Variants in PPP2R2C observed in about 807,000 individuals in gnomAD.
The protein encoded by PPP2R2C is protein phosphatase 2, regulatory subunit B, gamma.
PPP2R2C carries 10 observed loss-of-function variants against 45.3 expected under a neutral mutation model. The ratio of observed to expected loss-of-function variants is 0.22; its 90% CI spans 0.14 to 0.37. The LOEUF (loss-of-function observed/expected upper bound fraction) is 0.37. Ranked by LOEUF, PPP2R2C falls within the 10% of genes least tolerant of loss-of-function variation. The probability of loss-of-function intolerance (pLI) is 1.00; values close to 1 mark genes in which losing one functional copy is unlikely to be tolerated. For missense variants in PPP2R2C, 308 were observed against 619.7 expected, an observed-to-expected ratio of 0.50 and a Z score of 5.34; for synonymous variants, 257 against 245.4, an observed-to-expected ratio of 1.05 and a Z score of -0.44.
At chr4:6,416,146 C>A (rs1718565902) in intron 1 of PPP2R2C, among the ~76,000 whole-genome samples, 1 of 80,978 alleles carries the variant, frequency 1.2e-5, no homozygotes, top group Non-Finnish European at 2.8e-5. Context: ...TACTCCTCTA[C>A]CACCCCTGCC....
In PPP2R2C at chr4:6,378,404, C is replaced by T. The variant is rs187213691; in HGVS notation, c.334+3G>A. On this transcript the variant is annotated splice_donor_region_variant and intron_variant, in intron 3 of 8. Coordinates refer to ENST00000382599, the MANE Select transcript of PPP2R2C (RefSeq NM_020416.4). This position sits in a 1 kb window ranked among gnomAD's most constrained non-coding sequence, Gnocchi z 5.2. ...ATGCAAGCGAGGCCGGGCAGCGCCT[C>T]ACCGTTGGTGGACAGGAGTGAGTGG... 547 of 1,614,194 alleles carry T rather than the reference C, an allele frequency of 3.4e-4. 2 individuals carry two copies. In the African/African-American group the frequency reaches 6.6e-3, roughly 19 times the overall value.
rs564102573 is a variant in PPP2R2C, at chr4:6,465,443, G to A, written c.70+6717C>T. On this transcript the variant is annotated intron_variant, in intron 1 of 8. Transcript: ENST00000382599. ...ACCAATCACGAAAGCCAAGGAGGTAGAAGGCAGGGCCAAGGAGTTCACCCT... is the reference window on the plus strand; with the variant it reads ...ACCAATCACGAAAGCCAAGGAGGTAAAAGGCAGGGCCAAGGAGTTCACCCT... Among the ~76,000 whole-genome samples, 9 of 152,318 alleles carry A rather than the reference G, an allele frequency of 5.9e-5. No homozygotes were observed. In the South Asian group the frequency reaches 1.2e-3, roughly 21 times the overall value.
chr4:6,371,539 A>C (rs1714828875), intron 5 of PPP2R2C, among the ~76,000 whole-genome samples: 1 of 152,068 alleles, frequency 6.6e-6, no homozygotes, highest in Admixed American at 6.5e-5. Context: ...CACCCCTTCC[A>C]AGACACACCT....
rs761614602 is a variant in PPP2R2C at position 6,378,487 on chromosome 4, C to G, written c.254G>C (p.Ser85Thr). Residue 85 changes from serine to threonine, a missense_variant, in exon 3 of 9, where the codon AGC (serine) becomes ACC (threonine). Ser to Thr is a moderately conservative substitution (Grantham distance 58). Transcript: ENST00000382599. The surrounding 1 kb of genome is among the most constrained non-coding windows in gnomAD (Gnocchi z 5.2). ...GTTGATCTTCTCCTCTATCTCCAGG[C>G]TCTTGAGATAGTCAAACTCCGGCTC... Reference protein sequence around the residue: ...SHEPEFDYLKSLEIEEKINKI... With the variant: ...SHEPEFDYLKTLEIEEKINKI... The G allele has an allele frequency of 6.2e-7, 1 of 1,614,164 alleles. No individual in the cohort carries two copies. The highest frequency in any genetic ancestry group is 1.7e-5 in the Admixed American group (1 of 60,008).
At chr4:6,458,812 A>G (rs4404624) in intron 1 of PPP2R2C, among the ~76,000 whole-genome samples, 41,868 of 151,986 alleles carry the variant, frequency 0.28, 6,394 homozygotes, top group East Asian at 0.42. Context: ...AAAGGCCTGG[A>G]TTCCTGTCCT....
intron 1 of PPP2R2C, among the ~76,000 whole-genome samples, chr4:6,455,152 C>T (rs1217932870): frequency 6.6e-6 from 1 of 152,180 alleles, no homozygotes; most frequent in Non-Finnish European, 1.5e-5. Flanking sequence ...GCGTTGCATT[C>T]GTGGACTTAC....
intron 6 of PPP2R2C, among the ~76,000 whole-genome samples, chr4:6,334,853 G>T (rs1471816718): frequency 6.6e-6 from 1 of 152,192 alleles, no homozygotes; most frequent in African/African-American, 2.4e-5. Flanking sequence ...GCACCCTGAG[G>T]CTCCCGAGAG....
At position 6,352,106 on chromosome 4, in the gene PPP2R2C, C is replaced by G. The variant is rs576852415; in HGVS notation, c.626-4096G>C. 2.6e-3 allele frequency among the ~76,000 whole-genome samples: 399 copies of G among 152,320 alleles called. 2 individuals carry two copies. The highest frequency in any genetic ancestry group is 3.9e-3 in the Non-Finnish European group (267 of 68,022). ...ACAGCTTTCTGCCCCACACCATGCC[C>G]TCCCCCGTGTGTAGACTTTGAAGCA... On this transcript the variant is annotated intron_variant, in intron 5 of 8. Coordinates refer to ENST00000382599, the MANE Select transcript of PPP2R2C (RefSeq NM_020416.4).
chr4:6,520,573 T>A (rs1043431473), intron 2 of PPP2R2C, among the ~76,000 whole-genome samples: 2 of 152,012 alleles, frequency 1.3e-5, no homozygotes, highest in African/African-American at 4.8e-5. Context: ...CCAAAACCAA[T>A]AAAAACTGGC....
At chr4:6,516,998 G>A (rs1212335114) in intron 2 of PPP2R2C, among the ~76,000 whole-genome samples, 4 of 152,122 alleles carry the variant, frequency 2.6e-5, no homozygotes, top group Non-Finnish European at 5.9e-5. Context: ...TTATAGACAA[G>A]GCAGAGTTTT....
intron 1 of PPP2R2C, among the ~76,000 whole-genome samples, chr4:6,403,154 G>A (rs1264019993): frequency 2.0e-5 from 3 of 152,218 alleles, no homozygotes; most frequent in East Asian, 3.8e-4. Context: ...GCCTCCCCAC[G>A]TGGGTGGGAG....
At chr4:6,546,829 A>G (rs1019825277) in intron 1 of PPP2R2C, among the ~76,000 whole-genome samples, 1 of 152,204 alleles carries the variant, frequency 6.6e-6, no homozygotes, top group African/African-American at 2.4e-5. Context: ...CTTATGAAAA[A>G]GGGCAGGCCG....
At chr4:6,424,621 TCCTCCAGAGGC>T (rs1719183486) in intron 1 of PPP2R2C, among the ~76,000 whole-genome samples, 1 of 152,094 alleles carries the variant, frequency 6.6e-6, no homozygotes, top group South Asian at 2.1e-4. Context: ...AGCCAATGCC[TCCTCCAGAGGC>T]GGCTGTGGTG....
intron 5 of PPP2R2C, chr4:6,349,047 T>G (rs1208884984): frequency 1.0e-6 from 1 of 985,042 alleles, no homozygotes; most frequent in Non-Finnish European, 1.2e-6. Context: ...TCCTATCCCT[T>G]CCCTGCTGCC....
At chr4:6,548,043 C>A (rs142257236) in intron 1 of PPP2R2C, among the ~76,000 whole-genome samples, 6,852 of 152,158 alleles carry the variant, frequency 0.045, 196 homozygotes, top group Middle Eastern at 0.095. Context: ...CGTGGTGAAA[C>A]CCCATCTCTA....
intron 2 of PPP2R2C, among the ~76,000 whole-genome samples, chr4:6,528,293 G>A (rs2108819920): frequency 6.6e-6 from 1 of 152,318 alleles, no homozygotes; most frequent in African/African-American, 2.4e-5. Flanking sequence ...CGGGCCGGGA[G>A]GGCCCTTCCT....
Position 6,364,351 on chromosome 4 carries a change from G to A in PPP2R2C, c.625+8172C>T, listed in dbSNP as rs1366045507. Among the ~76,000 whole-genome samples the A allele has an allele frequency of 1.3e-5, 2 of 152,236 alleles. No individual in the cohort carries two copies. The highest frequency in any genetic ancestry group is 2.1e-4 in the South Asian group (1 of 4,836). ...TGAGCCCAGGGAGCAAAGGGAGAGA[G>A]GAGGAAGTGGGCCAGGGAGGGGCCA... On this transcript the variant is annotated intron_variant, in intron 5 of 8. Coordinates refer to ENST00000382599, the MANE Select transcript of PPP2R2C (RefSeq NM_020416.4). This position sits in a 1 kb window ranked among gnomAD's most constrained non-coding sequence, Gnocchi z 5.3.
At chr4:6,465,904 G>A (rs1389274489) in intron 1 of PPP2R2C, among the ~76,000 whole-genome samples, 1 of 152,144 alleles carries the variant, frequency 6.6e-6, no homozygotes, top group Non-Finnish European at 1.5e-5. Flanking sequence ...TAATAAACAA[G>A]GAAGGACTAG....
Position 6,561,846 on chromosome 4 carries a change from G to C in PPP2R2C, c.-59+1714C>G, listed in dbSNP as rs190953367. ...AGAGAGCTGAAGAAGGTTCTACATC[G>C]AGCCTGCCTACCCCTTTTCTGAAAA... is the stretch of plus-strand genomic sequence containing the variant. On this transcript the variant is annotated intron_variant, in intron 1 of 9. Transcript: ENST00000506140. Among the ~76,000 whole-genome samples the C allele has an allele frequency of 1.4e-3, 214 of 152,322 alleles. 2 individuals carry two copies. Among genetic ancestry groups the C allele is most frequent in the Middle Eastern group, 3.4e-3 (1 of 294 alleles).
Sources: allele counts gnomAD v4.1 joint callset (sites outside exome capture counted in the v4.1 genomes callset), GRCh38; gene constraint gnomAD v4.1.1; non-coding constraint Gnocchi (gnomAD v3.1); transcripts MANE v1.5; gene names NCBI Gene and HGNC (gene_info 2026-07-23, HGNC 2026-07-21).